The following LAMA1 variants were observed in gnomAD, a reference collection of about 807,000 sequenced individuals.
LAMA1 encodes the protein laminin subunit alpha 1.
In LAMA1, 219 loss-of-function variants were observed where a neutral mutation model predicts 348.7. The ratio of observed to expected loss-of-function variants is 0.63; its 90% CI spans 0.56 to 0.70. The LOEUF is 0.70. Ranked by LOEUF, LAMA1 falls within the 30% of genes least tolerant of loss-of-function variation. The pLI, the probability that LAMA1 is intolerant of heterozygous loss-of-function variation, is 0.00. For synonymous variants in LAMA1, 1,487 were observed against 1,491.0 expected (o/e 1.00, Z 0.06); for missense variants, 3,744 against 3,888.0 (o/e 0.96, Z 0.99).
chr18:6,947,326 G>T, intron 60 of LAMA1, 30 bp from the exon 61 acceptor site: 1 of 1,612,630 alleles, frequency 6.2e-7, no homozygotes, highest in Non-Finnish European at 8.5e-7. Context: ...CCCAAGTCAG[G>T]GTGAGCGCTG....
intron 3 of LAMA1, among the ~76,000 whole-genome samples, chr18:7,063,232 C>T (rs1409643437): frequency 2.6e-5 from 4 of 152,108 alleles, no homozygotes; most frequent in Non-Finnish European, 5.9e-5. Context: ...GATCCTTGGT[C>T]TATATTCTAC....
intron 3 of LAMA1, among the ~76,000 whole-genome samples, chr18:7,069,521 G>C (rs2058137426): frequency 6.6e-6 from 1 of 152,148 alleles, no homozygotes; most frequent in Non-Finnish European, 1.5e-5. Context: ...TTCCCAAGTT[G>C]AATCTCTGCC....
In LAMA1 at chr18:6,982,589, A is replaced by G; in HGVS notation, c.5798T>C (p.Leu1933Pro). 6.2e-7 allele frequency: 1 copy of G among 1,614,050 alleles called. No homozygotes were observed. Among genetic ancestry groups the G allele is most frequent in the Non-Finnish European group, 8.5e-7 (1 of 1,179,932 alleles). The change falls in exon 41 of 63, where the codon CTC (leucine) becomes CCC (proline). Residue 1933 changes from leucine (L) to proline (P), a missense_variant and splice_region_variant. Transcript: ENST00000389658. ...CCCGTTAGAAACAAGGGATTCTGAG[A>G]GCTGGAAAACAGAACCACTTAAGCG... ...AHRTVTETSL[L>P]SESLVSNGKA...
intron 1 of LAMA1, among the ~76,000 whole-genome samples, chr18:7,098,277 TG>T (rs2058271576): frequency 6.6e-6 from 1 of 152,066 alleles, no homozygotes; most frequent in Non-Finnish European, 1.5e-5. Context: ...CCACCCCGTC[TG>T]GGAAGTGAGG....
chr18:7,018,315 G>A (rs1178253121), intron 19 of LAMA1, among the ~76,000 whole-genome samples: 3 of 99,806 alleles, frequency 3.0e-5, no homozygotes, highest in Admixed American at 1.5e-4. Context: ...TAGCCTGAGC[G>A]ACAAGTGTGA....
intron 1 of LAMA1, 27 bp downstream of exon 1, chr18:7,117,633 G>A (rs750732541): frequency 6.3e-7 from 1 of 1,593,092 alleles, no homozygotes; most frequent in South Asian, 1.1e-5. Flanking sequence ...CGGGGGACAG[G>A]GACCCTAGGA....
At chr18:7,055,885 T>C (rs1036505813) in intron 3 of LAMA1, among the ~76,000 whole-genome samples, 7 of 151,784 alleles carry the variant, frequency 4.6e-5, no homozygotes, top group Admixed American at 4.6e-4. Flanking sequence ...ATCGAGACCA[T>C]CCTGGCTAAC....
intron 1 of LAMA1, among the ~76,000 whole-genome samples, chr18:7,088,211 G>A (rs1021721112): frequency 2.0e-5 from 3 of 152,100 alleles, no homozygotes; most frequent in South Asian, 2.1e-4. Flanking sequence ...CGATTCGCCC[G>A]TTCCCCCTTC....
At chr18:7,055,997 G>GT (rs2058080341) in intron 3 of LAMA1, among the ~76,000 whole-genome samples, 1 of 151,494 alleles carries the variant, frequency 6.6e-6, no homozygotes, top group Admixed American at 6.6e-5. Flanking sequence ...GGAGAATGGC[G>GT]TGAACCCGGG....
chr18:7,005,299 A>C (rs1288141871), intron 29 of LAMA1, among the ~76,000 whole-genome samples: 1 of 152,234 alleles, frequency 6.6e-6, no homozygotes, highest in Non-Finnish European at 1.5e-5. Flanking sequence ...ATAAAACTGC[A>C]CCAACAGATG....
chr18:7,112,325 T>G (rs766866140), intron 1 of LAMA1, among the ~76,000 whole-genome samples: 1 of 152,196 alleles, frequency 6.6e-6, no homozygotes, highest in African/African-American at 2.4e-5. Flanking sequence ...GAAGTTAGTA[T>G]GAGGGGAGGA....
intron 48 of LAMA1, among the ~76,000 whole-genome samples, chr18:6,968,984 A>G (rs539223020): frequency 6.6e-6 from 1 of 152,328 alleles, no homozygotes; most frequent in African/African-American, 2.4e-5. Flanking sequence ...AACTCTTTGA[A>G]CTAAAGTTCT....
chr18:6,957,863 C>T (rs1196909399), intron 55 of LAMA1, among the ~76,000 whole-genome samples: 1 of 152,076 alleles, frequency 6.6e-6, no homozygotes, highest in Non-Finnish European at 1.5e-5. Flanking sequence ...CTCACTGCAC[C>T]TCCGCCTCCC....
At chr18:7,052,808 C>G (rs1177886565) in intron 3 of LAMA1, among the ~76,000 whole-genome samples, 1 of 151,880 alleles carries the variant, frequency 6.6e-6, no homozygotes, top group Non-Finnish European at 1.5e-5. Context: ...ATCATGAGGT[C>G]AGGAGATCGA....
chr18:7,095,643 C>T (rs10468767), intron 1 of LAMA1, among the ~76,000 whole-genome samples: 1,780 of 152,356 alleles, frequency 0.012, 25 homozygotes, highest in African/African-American at 0.04. Context: ...TTGAATTTGG[C>T]ATCTGTTTCC....
chr18:7,043,895 C>A (rs147750308), intron 7 of LAMA1, among the ~76,000 whole-genome samples: 1,668 of 152,256 alleles, frequency 0.011, 15 homozygotes, highest in Admixed American at 0.029. Flanking sequence ...ATGGCACACG[C>A]CTGTAATCCC....
rs369870850 is a variant in LAMA1 at position 7,017,229 on chromosome 18, A to T, written c.2808+49T>A. 84 of 1,437,610 alleles carry T rather than the reference A, an allele frequency of 5.8e-5. No individual in the cohort carries two copies. In the African/African-American group the frequency reaches 1.0e-3, roughly 18 times the overall value. The allele number at this position is 1,437,610 out of a possible 1,614,324, so 89.1% of individuals were successfully genotyped here. Reference sequence around the variant, plus strand: ...TAGCTCCTTCTGAGTCATGGATTCAATCGCCTCTGTACCAAGGCTAAGGTG... The same window carrying T: ...TAGCTCCTTCTGAGTCATGGATTCATTCGCCTCTGTACCAAGGCTAAGGTG... On this transcript the variant is annotated intron_variant, in intron 20 of 62. Coordinates refer to ENST00000389658, the MANE Select transcript of LAMA1 (RefSeq NM_005559.4).
intron 4 of LAMA1, 58 bp from the exon 5 acceptor site, chr18:7,049,315 T>A (rs548235839): frequency 9.9e-6 from 13 of 1,312,914 alleles, no homozygotes; most frequent in South Asian, 2.5e-5. Context: ...TTATTTATTT[T>A]TTGAGATGGC....
chr18:6,952,961 A>C (rs2057554912), intron 57 of LAMA1, among the ~76,000 whole-genome samples: 1 of 147,540 alleles, frequency 6.8e-6, no homozygotes, highest in African/African-American at 2.6e-5. Context: ...CATGGGAGCC[A>C]TGTCTGCCTG....
Sources: allele counts gnomAD v4.1 joint callset (sites outside exome capture counted in the v4.1 genomes callset), GRCh38; gene constraint gnomAD v4.1.1; transcripts MANE v1.5; gene names NCBI Gene and HGNC (gene_info 2026-07-23, HGNC 2026-07-21).